The following SYT1 variants were observed in gnomAD, a reference collection of about 807,000 sequenced individuals.
SYT1 encodes synaptotagmin 1.
SYT1 carries 8 observed loss-of-function variants against 44.8 expected under a neutral mutation model. That is an observed-to-expected ratio of 0.18 (90% confidence interval 0.10 to 0.32). The LOEUF (loss-of-function observed/expected upper bound fraction) is 0.32. SYT1 is among the 10% of genes least tolerant of loss of function. SYT1 has a pLI of 1.00. For missense variants in SYT1, 286 were observed against 509.3 expected (o/e 0.56, Z 4.22); for synonymous variants, 154 against 188.8 (o/e 0.82, Z 1.51).
intron 3 of SYT1, among the ~76,000 whole-genome samples, chr12:79,189,975 A>G (rs1873017081): frequency 6.6e-6 from 1 of 152,140 alleles, no homozygotes; most frequent in Non-Finnish European, 1.5e-5. Flanking sequence ...AGTGGCATAT[A>G]AAGGGGAGCG....
At chr12:79,038,974 T>C (rs1873326736) in intron 2 of SYT1, among the ~76,000 whole-genome samples, 1 of 152,028 alleles carries the variant, frequency 6.6e-6, no homozygotes, top group Non-Finnish European at 1.5e-5. Flanking sequence ...AACATACAGC[T>C]ATGCACTTTT....
chr12:79,135,774 G>T (rs1303547950), intron 3 of SYT1, among the ~76,000 whole-genome samples: 13 of 152,126 alleles, frequency 8.5e-5, no homozygotes, highest in Admixed American at 5.9e-4. Context: ...GGAAACAGGG[G>T]TCAATGATGG....
At chr12:79,109,433 G>T (rs963697267) in intron 3 of SYT1, among the ~76,000 whole-genome samples, 1 of 152,158 alleles carries the variant, frequency 6.6e-6, no homozygotes, top group African/African-American at 2.4e-5. Context: ...GGGACTTGGA[G>T]GAGGAATGCC....
At chr12:79,297,661 A>G (rs1216257586) in intron 7 of SYT1, among the ~76,000 whole-genome samples, 4 of 152,144 alleles carry the variant, frequency 2.6e-5, no homozygotes, top group African/African-American at 9.7e-5. Context: ...GGTTGATCAA[A>G]CTATACATAA....
chr12:79,330,984 G>A (rs570775808), intron 8 of SYT1, among the ~76,000 whole-genome samples: 60 of 152,152 alleles, frequency 3.9e-4, no homozygotes, highest in African/African-American at 1.3e-3. Context: ...GTCCATTTTC[G>A]TTTCCTGCAG....
intron 9 of SYT1, among the ~76,000 whole-genome samples, chr12:79,372,117 T>G (rs1469496714): frequency 6.6e-6 from 1 of 152,218 alleles, no homozygotes; most frequent in Non-Finnish European, 1.5e-5. Context: ...CGTCCCATGA[T>G]TTATCACACA....
chr12:79,398,691 T>C (rs574758498), intron 9 of SYT1, among the ~76,000 whole-genome samples: 2 of 152,316 alleles, frequency 1.3e-5, no homozygotes, highest in Non-Finnish European at 2.9e-5. Flanking sequence ...ACAGTAGACA[T>C]GTATCAAAAC....
chr12:79,340,196 A>G (rs993815792), intron 8 of SYT1, among the ~76,000 whole-genome samples: 1 of 152,142 alleles, frequency 6.6e-6, no homozygotes, highest in Admixed American at 6.5e-5. Flanking sequence ...GTTTTTTCCA[A>G]TTCTGTGAAG....
intron 8 of SYT1, among the ~76,000 whole-genome samples, chr12:79,306,753 T>C (rs1245935742): frequency 6.6e-6 from 1 of 152,118 alleles, no homozygotes; most frequent in Non-Finnish European, 1.5e-5. Context: ...CAGAGCAAAG[T>C]GGATTTGGGA....
At chr12:79,414,867 C>T (rs1315385144) in intron 9 of SYT1, among the ~76,000 whole-genome samples, 1 of 152,014 alleles carries the variant, frequency 6.6e-6, no homozygotes, top group Non-Finnish European at 1.5e-5. Flanking sequence ...TTTTCAGGGT[C>T]CTCAAGAATT....
intron 3 of SYT1, among the ~76,000 whole-genome samples, chr12:79,119,162 A>C (rs1327666667): frequency 6.6e-6 from 1 of 152,040 alleles, no homozygotes; most frequent in Non-Finnish European, 1.5e-5. Context: ...ACTCTCACTA[A>C]CTTCTTATTG....
chr12:79,271,012 T>A (rs985259019), intron 4 of SYT1, among the ~76,000 whole-genome samples: 1 of 152,238 alleles, frequency 6.6e-6, no homozygotes. Context: ...TCCTCCCCAA[T>A]TGTTCATTCA....
At chr12:79,145,330 AT>A (rs1322526448) in intron 3 of SYT1, among the ~76,000 whole-genome samples, 1 of 152,168 alleles carries the variant, frequency 6.6e-6, no homozygotes, top group Non-Finnish European at 1.5e-5. Context: ...TTTTTAAAAA[AT>A]ATGAATTAAC....
At chr12:79,056,580 A>T (rs1466727975) in intron 3 of SYT1, among the ~76,000 whole-genome samples, 1 of 152,066 alleles carries the variant, frequency 6.6e-6, no homozygotes, top group Non-Finnish European at 1.5e-5. Flanking sequence ...AAAGGGGACC[A>T]CTTCCTCCAG....
intron 3 of SYT1, among the ~76,000 whole-genome samples, chr12:79,214,927 AAT>A (rs1874684841): frequency 7.3e-6 from 1 of 137,170 alleles, no homozygotes. Context: ...ACGTGCCTGT[AAT>A]AATGTGTGTA....
chr12:79,023,231 G>A (rs953656694), intron 2 of SYT1, among the ~76,000 whole-genome samples: 8 of 151,800 alleles, frequency 5.3e-5, no homozygotes, highest in African/African-American at 1.9e-4. Context: ...TAAAAGAGTT[G>A]AAGTAGGAAA....
At chr12:79,308,498 G>A (rs773132880) in intron 8 of SYT1, among the ~76,000 whole-genome samples, 4 of 148,296 alleles carry the variant, frequency 2.7e-5, no homozygotes, top group Non-Finnish European at 4.4e-5. Flanking sequence ...CAACAAGAGC[G>A]AAACTCCGTC....
chr12:79,216,299 A>G (rs1165530023), intron 3 of SYT1, among the ~76,000 whole-genome samples: 1 of 152,154 alleles, frequency 6.6e-6, no homozygotes, highest in Non-Finnish European at 1.5e-5. Context: ...AAAGGTTTTT[A>G]TAAGTTCGTC....
At chr12:79,400,675 T>C (rs1324744751) in intron 9 of SYT1, among the ~76,000 whole-genome samples, 2 of 152,210 alleles carry the variant, frequency 1.3e-5, no homozygotes, top group Non-Finnish European at 2.9e-5. Flanking sequence ...CGGCAGAACA[T>C]AACAAATGAG....
Sources: gnomAD v4.1 joint callset for allele counts (sites outside exome capture counted in the v4.1 genomes callset) on GRCh38, gnomAD v4.1.1 for gene constraint, MANE v1.5 for transcripts, NCBI Gene and HGNC (gene_info 2026-07-23, HGNC 2026-07-21) for gene names.